DLEU7: variants seen among roughly 807,000 people sequenced by gnomAD.
The protein encoded by DLEU7 is leukemia-associated protein 7.
DLEU7 carries 17 observed loss-of-function variants against 16.0 expected under a neutral mutation model. The ratio of observed to expected loss-of-function variants is 1.06; its 90% CI spans 0.73 to 1.59. DLEU7 has a LOEUF of 1.59. Among genes scored for constraint, DLEU7 ranks in the 40% most tolerant of loss-of-function variants. The pLI, the probability that DLEU7 is intolerant of heterozygous loss-of-function variation, is 0.00. For missense variants in DLEU7, 308 were observed against 314.9 expected, an observed-to-expected ratio of 0.98 and a Z score of 0.17; for synonymous variants, 113 against 139.8, an observed-to-expected ratio of 0.81 and a Z score of 1.35.
intron 1 of DLEU7, among the ~76,000 whole-genome samples, chr13:50,749,071 C>T (rs1272101612): frequency 6.6e-6 from 1 of 151,402 alleles, no homozygotes; most frequent in African/African-American, 2.4e-5. Context: ...CCCCAAAATC[C>T]ATTGTACCAT....
rs867231744 is a variant in DLEU7, at chr13:50,767,473, A to C, written c.460-54233T>G. 9.4e-4 allele frequency among the ~76,000 whole-genome samples: 142 copies of C among 151,674 alleles called. 1 individual carries two copies. The highest frequency in any genetic ancestry group is 3.0e-3 in the African/African-American group (125 of 41,432). Reference sequence around the variant, plus strand: ...TCCGTCTCAAAAAAAAAAAAAAAAAAAAAAACTCCAGACATGCATTTCCAC... The same window carrying C: ...TCCGTCTCAAAAAAAAAAAAAAAAACAAAAACTCCAGACATGCATTTCCAC... On this transcript the variant is annotated intron_variant, in intron 1 of 1. Transcript: ENST00000400393.
At chr13:50,769,817 G>A (rs1305463590) in intron 1 of DLEU7, among the ~76,000 whole-genome samples, 3 of 152,074 alleles carry the variant, frequency 2.0e-5, no homozygotes, top group East Asian at 3.8e-4. Context: ...TTCCAATTCC[G>A]TGAAGAAAGT....
intron 1 of DLEU7, among the ~76,000 whole-genome samples, chr13:50,752,441 G>A (rs1227616857): frequency 6.7e-6 from 1 of 148,752 alleles, no homozygotes; most frequent in Non-Finnish European, 1.5e-5. Context: ...GATAGGTTGT[G>A]TTGTGTCCGG....
chr13:50,745,549 G>C (rs1318439399), intron 1 of DLEU7, among the ~76,000 whole-genome samples: 1 of 152,084 alleles, frequency 6.6e-6, no homozygotes, highest in South Asian at 2.1e-4. Flanking sequence ...TAAATTTTAT[G>C]TATATTTTAC....
At chr13:50,820,322 G>A (rs986102941), downstream of DLEU7, among the ~76,000 whole-genome samples, 4 of 152,056 alleles carry the variant, frequency 2.6e-5, no homozygotes, top group African/African-American at 9.7e-5. Flanking sequence ...ACAGTAGCCA[G>A]AGGAATTTTT....
At chr13:50,751,755 A>G (rs542220976) in intron 1 of DLEU7, among the ~76,000 whole-genome samples, 4 of 152,126 alleles carry the variant, frequency 2.6e-5, no homozygotes, top group Admixed American at 6.5e-5. Flanking sequence ...GATTTTTTGT[A>G]TTTCAGCGAT....
At chr13:50,842,387 CAG>C (rs1424418481) in intron 1 of DLEU7, among the ~76,000 whole-genome samples, 1 of 152,168 alleles carries the variant, frequency 6.6e-6, no homozygotes, top group Non-Finnish European at 1.5e-5. Context: ...CAGAATGTCT[CAG>C]AGAGATTCGT....
At chr13:50,826,870 C>G (rs187782616) in intron 1 of DLEU7, among the ~76,000 whole-genome samples, 1 of 152,106 alleles carries the variant, frequency 6.6e-6, no homozygotes, top group Non-Finnish European at 1.5e-5. Context: ...ATAATAGCTT[C>G]AAATAACTGT....
chr13:50,815,185 A>G (rs1197877455), intron 1 of DLEU7, among the ~76,000 whole-genome samples: 1 of 152,106 alleles, frequency 6.6e-6, no homozygotes, highest in African/African-American at 2.4e-5. Context: ...ACCTGTAGCT[A>G]AAAGACATCT....
intron 1 of DLEU7, among the ~76,000 whole-genome samples, chr13:50,773,988 C>G (rs1875410668): frequency 6.6e-6 from 1 of 152,216 alleles, no homozygotes; most frequent in African/African-American, 2.4e-5. Context: ...CGCCCCTCCC[C>G]CAGTCAGGCT....
intron 1 of DLEU7, among the ~76,000 whole-genome samples, chr13:50,772,674 C>A (rs1875356502): frequency 6.6e-6 from 1 of 152,146 alleles, no homozygotes; most frequent in Non-Finnish European, 1.5e-5. Flanking sequence ...GGTAACCCGA[C>A]CTTTCTCTCT....
intron 1 of DLEU7, among the ~76,000 whole-genome samples, chr13:50,757,232 C>G (rs1874790216): frequency 6.6e-6 from 1 of 152,138 alleles, no homozygotes; most frequent in Non-Finnish European, 1.5e-5. Context: ...TCTAGTCCTG[C>G]CTCCCATCTG....
chr13:50,799,629 G>C (rs1312397093), intron 1 of DLEU7, among the ~76,000 whole-genome samples: 2 of 152,084 alleles, frequency 1.3e-5, no homozygotes, highest in Non-Finnish European at 2.9e-5. Flanking sequence ...AGCAGGTCTC[G>C]GGCACATGCA....
chr13:50,733,830 A>G (rs1873988960), intron 1 of DLEU7, among the ~76,000 whole-genome samples: 1 of 152,266 alleles, frequency 6.6e-6, no homozygotes, highest in African/African-American at 2.4e-5. Flanking sequence ...CTCACAACAA[A>G]CCTAGGATAG....
At chr13:50,778,269 C>T (rs981276199) in intron 1 of DLEU7, among the ~76,000 whole-genome samples, 2 of 152,132 alleles carry the variant, frequency 1.3e-5, no homozygotes, top group South Asian at 2.1e-4. Flanking sequence ...AGAACTCATT[C>T]ACTATCACAA....
chr13:50,836,738 T>C (rs574686859), intron 1 of DLEU7, among the ~76,000 whole-genome samples: 3 of 151,774 alleles, frequency 2.0e-5, no homozygotes, highest in East Asian at 3.9e-4. Context: ...AAGGAAGAAG[T>C]CTGTGTTGAG....
At chr13:50,842,865 G>A (rs936979917) in intron 1 of DLEU7, among the ~76,000 whole-genome samples, 2 of 152,160 alleles carry the variant, frequency 1.3e-5, no homozygotes, top group African/African-American at 4.8e-5. Context: ...CCTACAAGCT[G>A]CACGTGTGGA....
chr13:50,842,655 T>C (rs1232126986), intron 1 of DLEU7, among the ~76,000 whole-genome samples: 1 of 152,202 alleles, frequency 6.6e-6, no homozygotes, highest in Non-Finnish European at 1.5e-5. Flanking sequence ...AGAATGTAGG[T>C]TGACTCTGTA....
At chr13:50,834,253 C>A (rs1877375714) in intron 1 of DLEU7, among the ~76,000 whole-genome samples, 1 of 152,162 alleles carries the variant, frequency 6.6e-6, no homozygotes, top group South Asian at 2.1e-4. Context: ...AGTGAACAGG[C>A]AACCTACAAA....
Sources: allele counts gnomAD v4.1 joint callset (sites outside exome capture counted in the v4.1 genomes callset), GRCh38; gene constraint gnomAD v4.1.1; transcripts MANE v1.5; gene names NCBI Gene and HGNC (gene_info 2026-07-23, HGNC 2026-07-21).